The following SBK1 variants were observed in gnomAD, a reference collection of about 807,000 sequenced individuals.
The protein encoded by SBK1 is SH3 domain binding kinase 1.
SBK1 carries 11 observed loss-of-function variants against 24.4 expected under a neutral mutation model. That is an observed-to-expected ratio of 0.45 (90% CI 0.28 to 0.75). The LOEUF is 0.75. Ranked by LOEUF, SBK1 falls within the 30% of genes least tolerant of loss-of-function variation. The pLI, the probability that SBK1 is intolerant of heterozygous loss-of-function variation, is 0.12. For synonymous variants in SBK1, 308 were observed against 284.4 expected (o/e 1.08, Z -0.83); for missense variants, 467 against 620.5 (o/e 0.75, Z 2.63).
chr16:28,267,339 C>T (rs890480143), intron 1 of SBK1, among the ~76,000 whole-genome samples: 2 of 152,166 alleles, frequency 1.3e-5, no homozygotes, highest in African/African-American at 4.8e-5. Flanking sequence ...GGATTACAGG[C>T]GTGAGCCACT....
At chr16:28,307,147 T>G (rs985855879) in intron 1 of SBK1, among the ~76,000 whole-genome samples, 34 of 151,880 alleles carry the variant, frequency 2.2e-4, no homozygotes, top group African/African-American at 8.0e-4. Flanking sequence ...CTAGAAGAGG[T>G]TGATGATGCC....
chr16:28,307,283 A>G (rs1464823176), intron 1 of SBK1, among the ~76,000 whole-genome samples: 6 of 152,218 alleles, frequency 3.9e-5, no homozygotes, highest in African/African-American at 1.2e-4. Context: ...TATTAACCCC[A>G]ATACACAGAT....
Position 28,320,647 on chromosome 16 carries a change from G to C in SBK1, c.1001G>C (p.Gly334Ala). The change falls in exon 4 of 4, where the codon GGG becomes GCG. Residue 334 changes from glycine to alanine, a missense_variant. Physicochemically the swap from Gly to Ala is moderately conservative, Grantham distance 60. Transcript: ENST00000341901. The surrounding 1 kb of genome is among the most constrained non-coding windows in gnomAD (Gnocchi z 8.5). ...RPSHRARKPPGDRPPAAGPLR... is the reference protein window; with the variant it reads ...RPSHRARKPPADRPPAAGPLR... Reference sequence around the variant, plus strand: ...TCGCACCGCGCGCGCAAGCCCCCCGGGGACCGCCCGCCCGCCGCCGGGCCA... The same window carrying C: ...TCGCACCGCGCGCGCAAGCCCCCCGCGGACCGCCCGCCCGCCGCCGGGCCA... 1 of 1,150,548 alleles carries C rather than the reference G, an allele frequency of 8.7e-7. No homozygotes were observed. Among genetic ancestry groups the C allele is most frequent in the Non-Finnish European group, 1.1e-6 (1 of 936,108 alleles). The allele number at this position is 1,150,548 out of a possible 1,614,324, so 71.3% of individuals were successfully genotyped here.
chr16:28,318,278 A>G (rs2044812378), intron 2 of SBK1, among the ~76,000 whole-genome samples: 2 of 152,188 alleles, frequency 1.3e-5, no homozygotes, highest in African/African-American at 4.8e-5. Flanking sequence ...GTGAGCTCCC[A>G]CAGCTGCACG....
intron 1 of SBK1, among the ~76,000 whole-genome samples, chr16:28,273,314 G>A (rs2044478302): frequency 6.6e-6 from 1 of 151,750 alleles, no homozygotes; most frequent in Non-Finnish European, 1.5e-5. Context: ...TCCGCCTCCT[G>A]GGTTCAAGCA....
At chr16:28,315,250 A>G (rs1453332686) in intron 1 of SBK1, among the ~76,000 whole-genome samples, 1 of 151,810 alleles carries the variant, frequency 6.6e-6, no homozygotes, top group Non-Finnish European at 1.5e-5. Context: ...GGGGTTTTAG[A>G]AAGGGGCAAA....
chr16:28,320,154 C>T lies in SBK1; in HGVS notation c.508C>T (p.Leu170=). The change falls in exon 4 of 4, where the codon CTG becomes TTG. Residue 170 remains leucine (L), a synonymous_variant. Transcript: ENST00000341901. The surrounding 1 kb of genome is among the most constrained non-coding windows in gnomAD (Gnocchi z 8.5). The part of the protein sequence containing the change: ...LALDFMHGRQ[L]VHRDIKPENV... The stretch of plus-strand genomic sequence containing the variant: ...GCTGGACTTCATGCACGGGCGGCAG[C>T]TGGTGCACCGCGACATCAAGCCCGA... 6.3e-7 allele frequency: 1 copy of T among 1,582,792 alleles called. No individual in the cohort carries two copies. Among genetic ancestry groups the T allele is most frequent in the Non-Finnish European group, 8.5e-7 (1 of 1,169,826 alleles).
chr16:28,273,214 T>C (rs1362227252), intron 1 of SBK1, among the ~76,000 whole-genome samples: 1 of 151,430 alleles, frequency 6.6e-6, no homozygotes, highest in Non-Finnish European at 1.5e-5. Context: ...CTGGCCTCTC[T>C]TTCAGATTTT....
intron 1 of SBK1, among the ~76,000 whole-genome samples, chr16:28,287,356 A>G (rs1296043973): frequency 2.0e-5 from 3 of 149,262 alleles, no homozygotes; most frequent in African/African-American, 7.4e-5. Context: ...GGCTGAGGCA[A>G]GAGAACTGCT....
chr16:28,259,485 A>G lies in SBK1; in HGVS notation c.240A>G (p.Glu80=), dbSNP rs1227529897. The stretch of plus-strand genomic sequence containing the variant: ...GGGAGGAGGAAGAGGAGCTGCTGGA[A>G]GAAGTCCCATTGCGGAGGTCAGTGC... The change falls in exon 1 of 4, where the codon GAA becomes GAG. Residue 80 remains glutamate, a synonymous_variant. Transcript: ENST00000671413. The surrounding 1 kb of genome is among the most constrained non-coding windows in gnomAD (Gnocchi z 6.0). The G allele has an allele frequency of 7.4e-5, 73 of 985,594 alleles. No homozygotes were observed. The highest frequency in any genetic ancestry group is 8.7e-5 in the Non-Finnish European group (72 of 830,118). The allele number at this position is 985,594 out of a possible 1,614,324, so 61.1% of individuals were successfully genotyped here. A position where few individuals can be genotyped will look rare whatever the true frequency, so the allele number is the denominator to read the frequency against.
chr16:28,288,027 A>C (rs948466134), upstream of SBK1, among the ~76,000 whole-genome samples: 1 of 152,056 alleles, frequency 6.6e-6, no homozygotes, highest in Admixed American at 6.6e-5. Context: ...ATTGAGGAAA[A>C]CCCTTGGGAG....
In SBK1 at chr16:28,272,045, C is replaced by T. The variant is rs143214135; in HGVS notation, c.257+12543C>T. The stretch of plus-strand genomic sequence containing the variant: ...AGGACACTTAATGAAATTTGTCCTC[C>T]TAACATATTTTTAAATGTACAATAC... On this transcript the variant is annotated intron_variant, in intron 1 of 3. Transcript: ENST00000671413. 3.2e-4 allele frequency among the ~76,000 whole-genome samples: 49 copies of T among 152,198 alleles called. 1 individual carries two copies. Among genetic ancestry groups the T allele is most frequent in the African/African-American group, 9.9e-4 (41 of 41,522 alleles).
In SBK1 at chr16:28,317,562, G is replaced by T. The variant is rs201220244; in HGVS notation, c.171G>T (p.Arg57=). 2 of 1,614,206 alleles carry T rather than the reference G, an allele frequency of 1.2e-6. No homozygotes were observed. The highest frequency in any genetic ancestry group is 2.7e-5 in the African/African-American group (2 of 75,044). ...SDVTKHYELV[R]ELGKGTYGKV... is the part of the protein sequence containing the mutation. ...TCACCAAGCACTACGAACTAGTCCG[G>T]GAGCTGGGCAAAGGCACCTATGGGA... is the stretch of plus-strand genomic sequence containing the variant. The change falls in exon 2 of 4, where the codon CGG becomes CGT. Residue 57 remains arginine, a synonymous_variant. Coordinates refer to ENST00000341901, the MANE Select transcript of SBK1 (RefSeq NM_001024401.3). This position sits in a 1 kb window ranked among gnomAD's most constrained non-coding sequence, Gnocchi z 4.2.
intron 1 of SBK1, among the ~76,000 whole-genome samples, chr16:28,261,648 G>A (rs566082488): frequency 1.3e-5 from 2 of 152,236 alleles, no homozygotes; most frequent in Admixed American, 6.5e-5. Flanking sequence ...GAAAGAGAGA[G>A]GGCATGGGAA....
upstream of SBK1, chr16:28,290,785 A>G (rs1212416045): frequency 1.3e-5 from 2 of 152,266 alleles, no homozygotes; most frequent in Non-Finnish European, 2.9e-5. Context: ...CCGACAAGTT[A>G]AGAACTGAAA....
rs866350756 is a variant in SBK1 at position 28,321,216 on chromosome 16, C to T, written c.*295C>T. 5.8e-3 allele frequency: 1,095 copies of T among 190,408 alleles called. 40 individuals are homozygous for T. Among genetic ancestry groups the T allele is most frequent in the East Asian group, 0.028 (206 of 7,384 alleles). The allele number at this position is 190,408 out of a possible 1,614,324, so 11.8% of individuals were successfully genotyped here. A position where few individuals can be genotyped will look rare whatever the true frequency, so the allele number is the denominator to read the frequency against. On this transcript the variant is annotated 3_prime_UTR_variant, in exon 4 of 4. Coordinates refer to ENST00000341901, the MANE Select transcript of SBK1 (RefSeq NM_001024401.3). ...ACACACACACACACACACACACACA[C>T]ACACACACACACACACACACACGCC...
intron 1 of SBK1, among the ~76,000 whole-genome samples, chr16:28,281,305 C>T (rs780855030): frequency 6.6e-6 from 1 of 152,174 alleles, no homozygotes; most frequent in South Asian, 2.1e-4. Flanking sequence ...TGCTCCACCC[C>T]AGCCTGCCTC....
intron 1 of SBK1, among the ~76,000 whole-genome samples, chr16:28,302,969 G>GT (rs1491394198): frequency 6.7e-6 from 1 of 149,784 alleles, no homozygotes; most frequent in Non-Finnish European, 1.5e-5. Flanking sequence ...CATGGGGGGG[G>GT]GTCAGGAGTG....
intron 1 of SBK1, among the ~76,000 whole-genome samples, chr16:28,287,292 A>AAAAAAAAG (rs2044571677): frequency 6.7e-6 from 1 of 148,398 alleles, no homozygotes; most frequent in Admixed American, 6.8e-5. Flanking sequence ...AATACAAAAA[A>AAAAAAAAG]AAAAAAATTA....
Sources: gnomAD v4.1 joint callset for allele counts (sites outside exome capture counted in the v4.1 genomes callset) on GRCh38, gnomAD v4.1.1 for gene constraint, Gnocchi (gnomAD v3.1) non-coding constraint, MANE v1.5 for transcripts, NCBI Gene and HGNC (gene_info 2026-07-23, HGNC 2026-07-21) for gene names.